CD101: variants seen among roughly 807,000 people sequenced by gnomAD.
CD101 encodes CD101 molecule.
CD101 carries 76 observed loss-of-function variants against 98.2 expected under a neutral mutation model. The ratio of observed to expected loss-of-function variants is 0.77; its 90% CI spans 0.64 to 0.94. CD101 has a LOEUF of 0.94. Ranked by LOEUF, CD101 falls within the 40% of genes least tolerant of loss-of-function variation. The pLI is 0.00. For missense variants in CD101, 1,145 were observed against 1,218.8 expected (o/e 0.94, Z 0.90); for synonymous variants, 471 against 472.7 (o/e 1.00, Z 0.05).
intron 8 of CD101, among the ~76,000 whole-genome samples, chr1:117,029,147 G>T (rs1199222753): frequency 1.2e-5 from 1 of 82,836 alleles, no homozygotes; most frequent in Non-Finnish European, 2.5e-5. Context: ...AAGAAAGAAA[G>T]AAAGAAAGAA....
In CD101 at chr1:117,025,561, C is replaced by G; in HGVS notation, c.2481C>G (p.His827Gln). 1 of 1,609,992 alleles carries G rather than the reference C, an allele frequency of 6.2e-7. No homozygotes were observed. Among genetic ancestry groups the G allele is most frequent in the Non-Finnish European group, 8.5e-7 (1 of 1,178,274 alleles). The change falls in exon 8 of 10, where the codon CAC becomes CAG. Residue 827 changes from histidine to glutamine, a missense_variant. Transcript: ENST00000682167. ...KVYWTENVTE[H>Q]REVAIRCSLE... The stretch of plus-strand genomic sequence containing the variant: ...ACTGGACCGAAAATGTGACTGAGCA[C>G]AGAGAAGTGGCCATCCGCTGCAGCC...
rs1164515151 is a variant in CD101, at chr1:117,010,199, T to C, written c.393T>C (p.Tyr131=). The C allele has an allele frequency of 1.2e-6, 2 of 1,613,812 alleles. No homozygotes were observed. Among genetic ancestry groups the C allele is most frequent in the Non-Finnish European group, 1.7e-6 (2 of 1,179,852 alleles). ...CACCAAACACTGATGAGAAATACTA[T>C]GGAAGTTACAGTGCAAAGACTAATC... is the stretch of plus-strand genomic sequence containing the variant. The part of the protein sequence containing the change: ...CHTPNTDEKY[Y]GSYSAKTNLI... The change falls in exon 2 of 10, where the codon TAT becomes TAC. Residue 131 remains tyrosine, a synonymous_variant. Coordinates refer to ENST00000682167, the MANE Select transcript of CD101 (RefSeq NM_001256106.3). This position sits in a 1 kb window ranked among gnomAD's most constrained non-coding sequence, Gnocchi z 5.2.
In CD101 at chr1:117,033,670, G is replaced by A. The variant is rs1433428102; in HGVS notation, c.2825-190G>A. ...GGCAAGGGGCTGTTGCATTAGAAGAGCCTGTTCCAGGAGCTCTCTTCCCCC... is the reference window on the plus strand; with the variant it reads ...GGCAAGGGGCTGTTGCATTAGAAGAACCTGTTCCAGGAGCTCTCTTCCCCC... On this transcript the variant is annotated intron_variant, in intron 8 of 9. Transcript: ENST00000682167. The surrounding 1 kb of genome is among the most constrained non-coding windows in gnomAD (Gnocchi z 4.8). Among the ~76,000 whole-genome samples the A allele has an allele frequency of 1.3e-5, 2 of 152,188 alleles. No individual in the cohort carries two copies. Among genetic ancestry groups the A allele is most frequent in the Non-Finnish European group, 2.9e-5 (2 of 68,038 alleles).
rs1652533405 is a variant in CD101 at position 117,006,424 on chromosome 1, T to A, written c.44-3426T>A. The stretch of plus-strand genomic sequence containing the variant: ...CTTTCAGTGGATTCCCCATTGCCAA[T>A]GAATCAAGTCCAAACTTTTAAATGT... On this transcript the variant is annotated intron_variant, in intron 1 of 9. Transcript: ENST00000682167. This position sits in a 1 kb window ranked among gnomAD's most constrained non-coding sequence, Gnocchi z 4.4. Among the ~76,000 whole-genome samples, 1 of 152,220 alleles carries A rather than the reference T, an allele frequency of 6.6e-6. No individual in the cohort carries two copies.
chr1:117,009,498 C>G (rs1040183560), intron 1 of CD101, among the ~76,000 whole-genome samples: 1 of 152,212 alleles, frequency 6.6e-6, no homozygotes, highest in Non-Finnish European at 1.5e-5. Flanking sequence ...AAGTATATGC[C>G]AAATTTTCTC....
In CD101 at chr1:117,012,435, A is replaced by G. The variant is rs183726045; in HGVS notation, c.841+469A>G. ...GGAGGCCTGTCTCTCTCCAAAGCCC[A>G]CTCAGCACAGACAGCTGGGCCTCAA... is the stretch of plus-strand genomic sequence containing the variant. On this transcript the variant is annotated intron_variant, in intron 3 of 9. Transcript: ENST00000682167. This position sits in a 1 kb window ranked among gnomAD's most constrained non-coding sequence, Gnocchi z 4.0. Among the ~76,000 whole-genome samples, 718 of 152,318 alleles carry G rather than the reference A, an allele frequency of 4.7e-3. 1 individual carries two copies. The highest frequency in any genetic ancestry group is 0.01 in the Middle Eastern group (3 of 294).
Position 117,033,971 on chromosome 1 carries a change from G to A in CD101, c.2936G>A (p.Trp979Ter), listed in dbSNP as rs1245350583. Residue 979 changes from tryptophan to a stop codon, truncating the protein, a stop_gained, in exon 9 of 10, where the codon TGG (tryptophan) becomes TAG (stop). Coordinates refer to ENST00000682167, the MANE Select transcript of CD101 (RefSeq NM_001256106.3). LOFTEE classifies it high-confidence loss of function. The surrounding 1 kb of genome is among the most constrained non-coding windows in gnomAD (Gnocchi z 4.8). ...CTCATCTCCCTCCTCTGCTTATACT[G>A]GAAGGCCAGGAAGTTGTCAACACTG... ...LLLISLLCLY[W>*]KARKLSTLRS... is the part of the protein sequence containing the mutation. The A allele has an allele frequency of 1.2e-6, 2 of 1,613,936 alleles. No homozygotes were observed. Among genetic ancestry groups the A allele is most frequent in the Non-Finnish European group, 1.7e-6 (2 of 1,180,038 alleles).
At position 117,018,103 on chromosome 1, in the gene CD101, TA is replaced by T; in HGVS notation, c.1613-52del. 1 of 1,466,104 alleles carries T rather than the reference TA, an allele frequency of 6.8e-7. No homozygotes were observed. Among genetic ancestry groups the T allele is most frequent in the South Asian group, 1.4e-5 (1 of 71,796 alleles). 90.8% of individuals were successfully genotyped at this position (1,466,104 alleles called of 1,614,324 possible). On this transcript the variant is annotated intron_variant, in intron 5 of 9. Transcript: ENST00000682167. This position sits in a 1 kb window ranked among gnomAD's most constrained non-coding sequence, Gnocchi z 4.3. ...GGCAACTAGAAAAACTTGAAAGTGCTATATTTTAATCTGGTAAATATATTAG... is the reference window on the plus strand; with the variant it reads ...GGCAACTAGAAAAACTTGAAAGTGCTTATTTTAATCTGGTAAATATATTAG...
At chr1:117,035,847 C>T (rs11803368) in intron 9 of CD101, among the ~76,000 whole-genome samples, 2,762 of 152,224 alleles carry the variant, frequency 0.018, 75 homozygotes, top group African/African-American at 0.063. Context: ...CCACCACGCC[C>T]GGCAGAAGAC....
intron 1 of CD101, among the ~76,000 whole-genome samples, chr1:117,003,632 T>C (rs984269319): frequency 6.6e-6 from 1 of 152,242 alleles, no homozygotes; most frequent in African/African-American, 2.4e-5. Flanking sequence ...ATTCATAGAA[T>C]TGCAAATTCT....
At position 117,018,623 on chromosome 1, in the gene CD101, G is replaced by GAAA; in HGVS notation, c.2017+63_2017+64insAAA. 1 of 1,457,800 alleles carries GAAA rather than the reference G, an allele frequency of 6.9e-7. No individual in the cohort carries two copies. Among genetic ancestry groups the GAAA allele is most frequent in the Non-Finnish European group, 9.3e-7 (1 of 1,079,762 alleles). The allele number at this position is 1,457,800 out of a possible 1,614,324, so 90.3% of individuals were successfully genotyped here. ...AAACAAATAGCAATCCTCCCATTTT[G>GAAA]GGTAAGTTATAACAATAAAACATAA... On this transcript the variant is annotated intron_variant, in intron 6 of 9. Transcript: ENST00000682167. The surrounding 1 kb of genome is among the most constrained non-coding windows in gnomAD (Gnocchi z 4.3).
rs1249235886 is a variant in CD101, at chr1:117,005,252, C to T, written c.43+3392C>T. Among the ~76,000 whole-genome samples the T allele has an allele frequency of 6.6e-6, 1 of 152,118 alleles. No individual in the cohort carries two copies. Among genetic ancestry groups the T allele is most frequent in the Non-Finnish European group, 1.5e-5 (1 of 68,022 alleles). On this transcript the variant is annotated intron_variant, in intron 1 of 9. Transcript: ENST00000682167. This position sits in a 1 kb window ranked among gnomAD's most constrained non-coding sequence, Gnocchi z 4.4. The stretch of plus-strand genomic sequence containing the variant: ...CTCCTTGCTGGCTTCACCCATTCTC[C>T]ATCCCACCCCTTCCTACCGCTCCTC...
At position 117,023,324 on chromosome 1, in the gene CD101, T is replaced by C. The variant is rs1223329227; in HGVS notation, c.2428+1341T>C. ...GTGCTTCCCATGTAGAAATGTGGGC[T>C]CCGTGTTGTCAGATCTTTTTGCATA... is the stretch of plus-strand genomic sequence containing the variant. On this transcript the variant is annotated intron_variant, in intron 7 of 9. Coordinates refer to ENST00000682167, the MANE Select transcript of CD101 (RefSeq NM_001256106.3). This position sits in a 1 kb window ranked among gnomAD's most constrained non-coding sequence, Gnocchi z 4.4. Among the ~76,000 whole-genome samples the C allele has an allele frequency of 6.6e-6, 1 of 152,222 alleles. No homozygotes were observed. Among genetic ancestry groups the C allele is most frequent in the East Asian group, 1.9e-4 (1 of 5,196 alleles).
chr1:117,026,788 T>C (rs896104913), intron 8 of CD101: 8 of 152,194 alleles, frequency 5.3e-5, no homozygotes, highest in African/African-American at 1.7e-4. Flanking sequence ...AAGATAAACC[T>C]GGAAAGAAAA....
chr1:117,025,472 T>C (rs1018065032), intron 7 of CD101, 37 bp from the exon 8 acceptor site: 46 of 1,497,038 alleles, frequency 3.1e-5, no homozygotes, highest in Non-Finnish European at 3.5e-5. Flanking sequence ...AATCTGAAAG[T>C]CTGCATTCTC....
rs568843251 is a variant in CD101, at chr1:117,019,905, A to G, written c.2017+1345A>G. Among the ~76,000 whole-genome samples the G allele has an allele frequency of 1.3e-5, 2 of 152,314 alleles. No individual in the cohort carries two copies. The highest frequency in any genetic ancestry group is 3.9e-4 in the East Asian group (2 of 5,182). ...TGTATCTAAACTCCCACAGTGTGACATGCAAGGTCCTTTATCATCTGGTAC... is the reference window on the plus strand; with the variant it reads ...TGTATCTAAACTCCCACAGTGTGACGTGCAAGGTCCTTTATCATCTGGTAC... On this transcript the variant is annotated intron_variant, in intron 6 of 9. Coordinates refer to ENST00000682167, the MANE Select transcript of CD101 (RefSeq NM_001256106.3). The surrounding 1 kb of genome is among the most constrained non-coding windows in gnomAD (Gnocchi z 4.3).
chr1:117,030,543 G>C (rs1230587459), intron 8 of CD101, among the ~76,000 whole-genome samples: 3 of 152,212 alleles, frequency 2.0e-5, no homozygotes, highest in Non-Finnish European at 4.4e-5. Context: ...TGAAGGAGCT[G>C]TGTGTCTTTA....
At chr1:117,015,443 T>G (rs1653143028) in intron 4 of CD101, among the ~76,000 whole-genome samples, 1 of 151,746 alleles carries the variant, frequency 6.6e-6, no homozygotes, top group Non-Finnish European at 1.5e-5. Context: ...CAGTTATGAG[T>G]CTATTTTTAA....
chr1:117,016,432 C>T (rs983180126), intron 4 of CD101, among the ~76,000 whole-genome samples: 2 of 152,042 alleles, frequency 1.3e-5, no homozygotes, highest in African/African-American at 4.8e-5. Context: ...TAAATAAACA[C>T]AGCTTTATTA....
Sources: gnomAD v4.1 joint callset for allele counts (sites outside exome capture counted in the v4.1 genomes callset) on GRCh38, gnomAD v4.1.1 for gene constraint, Gnocchi (gnomAD v3.1) non-coding constraint, MANE v1.5 for transcripts, NCBI Gene and HGNC (gene_info 2026-07-23, HGNC 2026-07-21) for gene names.